The following DDC variants were observed in gnomAD, a reference collection of about 807,000 sequenced individuals.
DDC encodes aromatic-L-amino-acid decarboxylase.
In DDC, 43 loss-of-function variants were observed where a neutral mutation model predicts 60.0. The observed-to-expected ratio is 0.72, with a 90% CI of 0.56 to 0.92. DDC has a LOEUF of 0.92. Among genes scored for constraint, DDC ranks in the 40% least tolerant of loss-of-function variants. The pLI is 0.00. For synonymous variants in DDC, 232 were observed against 234.6 expected (o/e 0.99, Z 0.10); for missense variants, 573 against 620.2 (o/e 0.92, Z 0.81).
intron 6 of DDC, among the ~76,000 whole-genome samples, chr7:50,522,105 T>G (rs1023677009): frequency 3.3e-5 from 5 of 151,764 alleles, no homozygotes; most frequent in African/African-American, 1.2e-4. Flanking sequence ...ATGATAATAT[T>G]AGATAAAAGT....
intron 9 of DDC, among the ~76,000 whole-genome samples, chr7:50,489,205 C>G (rs1242005267): frequency 6.6e-6 from 1 of 152,120 alleles, no homozygotes; most frequent in East Asian, 1.9e-4. Context: ...TAAGGTCTCA[C>G]CATGTTGGCC....
chr7:50,510,767 G>C (rs1375332203), intron 6 of DDC, among the ~76,000 whole-genome samples: 1 of 151,438 alleles, frequency 6.6e-6, no homozygotes. Flanking sequence ...GGATCACGAG[G>C]TCAGGAGATC....
intron 6 of DDC, among the ~76,000 whole-genome samples, chr7:50,522,190 C>CA (rs1554428935): frequency 1.9e-5 from 2 of 103,818 alleles, no homozygotes; most frequent in African/African-American, 7.3e-5. Flanking sequence ...CCATTAGCAC[C>CA]AAAAAAAGTA....
Position 50,499,684 on chromosome 7 carries a change from A to G in DDC, c.782-442T>C, listed in dbSNP as rs112043572. On this transcript the variant is annotated intron_variant, in intron 7 of 14. Transcript: ENST00000444124. ...CTGCACACAGTCCACGCTGACCTCT[A>G]CCTGCCCCACTCCATCCCCACCACC... 7.2e-3 allele frequency among the ~76,000 whole-genome samples: 1,101 copies of G among 152,192 alleles called. 30 individuals are homozygous for G. Among genetic ancestry groups the G allele is most frequent in the Non-Finnish European group, 5.1e-3 (350 of 68,012 alleles).
intron 6 of DDC, among the ~76,000 whole-genome samples, chr7:50,525,789 G>C (rs1420997813): frequency 6.6e-6 from 1 of 151,646 alleles, no homozygotes; most frequent in Non-Finnish European, 1.5e-5. Flanking sequence ...AATAAAATAA[G>C]TTAAAATTTT....
At chr7:50,562,062 G>T (rs1484730442) in intron 1 of DDC, among the ~76,000 whole-genome samples, 1 of 152,188 alleles carries the variant, frequency 6.6e-6, no homozygotes, top group Non-Finnish European at 1.5e-5. Flanking sequence ...TCCAGAGCTA[G>T]AAATGCCCCA....
intron 11 of DDC, among the ~76,000 whole-genome samples, chr7:50,474,075 G>T (rs1218608852): frequency 6.6e-6 from 1 of 152,202 alleles, no homozygotes; most frequent in African/African-American, 2.4e-5. Context: ...GACCAACAGG[G>T]TGGGGAGTAC....
At chr7:50,483,084 T>C (rs2042805109) in intron 9 of DDC, among the ~76,000 whole-genome samples, 1 of 152,158 alleles carries the variant, frequency 6.6e-6, no homozygotes, top group Non-Finnish European at 1.5e-5. Context: ...CTCATTTTTT[T>C]CTGATTTTAA....
chr7:50,506,512 A>G (rs1470268545), intron 6 of DDC, among the ~76,000 whole-genome samples: 2 of 152,194 alleles, frequency 1.3e-5, no homozygotes, highest in East Asian at 3.9e-4. Context: ...AAGAAAAGAA[A>G]AGAAAGGTGA....
intron 11 of DDC, among the ~76,000 whole-genome samples, chr7:50,474,147 T>C (rs923585349): frequency 3.9e-5 from 6 of 152,248 alleles, no homozygotes; most frequent in Non-Finnish European, 8.8e-5. Flanking sequence ...ATGCTTGACC[T>C]TTCCTTAACC....
chr7:50,477,392 T>C (rs2042669503), intron 10 of DDC, among the ~76,000 whole-genome samples: 1 of 151,948 alleles, frequency 6.6e-6, no homozygotes, highest in Admixed American at 6.6e-5. Context: ...GAAAAGGGAG[T>C]CTTGTGCTCT....
intron 9 of DDC, 38 bp downstream of exon 9, chr7:50,495,312 C>G: frequency 6.6e-7 from 1 of 1,523,928 alleles, no homozygotes. Flanking sequence ...ACTGTCACCT[C>G]GGACAGGCAA....
chr7:50,549,031 G>A (rs2044896719), intron 1 of DDC, among the ~76,000 whole-genome samples: 1 of 152,168 alleles, frequency 6.6e-6, no homozygotes, highest in Non-Finnish European at 1.5e-5. Flanking sequence ...CAGCACATCT[G>A]TTTACAGTAT....
chr7:50,492,774 C>T (rs2043028149), intron 9 of DDC: 4 of 1,447,154 alleles, frequency 2.8e-6, no homozygotes, highest in African/African-American at 1.4e-5. Context: ...GTCAAATTTC[C>T]CCTCACAGGC....
At chr7:50,547,176 C>T (rs534357290) in intron 1 of DDC, among the ~76,000 whole-genome samples, 4 of 152,044 alleles carry the variant, frequency 2.6e-5, no homozygotes, top group Admixed American at 6.6e-5. Context: ...TTTCTAAGTA[C>T]ATTTCTCATG....
intron 6 of DDC, among the ~76,000 whole-genome samples, chr7:50,510,668 CAAA>C (rs71018473): frequency 9.0e-5 from 9 of 99,644 alleles, no homozygotes; most frequent in Middle Eastern, 7.4e-3. Flanking sequence ...GACTCCATCT[CAAA>C]AAAAAAAAAA....
intron 14 of DDC, among the ~76,000 whole-genome samples, chr7:50,462,535 G>A (rs1392507118): frequency 6.6e-6 from 1 of 152,176 alleles, no homozygotes; most frequent in African/African-American, 2.4e-5. Flanking sequence ...GGCAAGTCGT[G>A]AGTCATAATA....
intron 1 of DDC, among the ~76,000 whole-genome samples, chr7:50,560,241 T>C (rs1168188643): frequency 6.6e-6 from 1 of 152,164 alleles, no homozygotes; most frequent in Non-Finnish European, 1.5e-5. Context: ...CTTATCTGAA[T>C]GAGAAATTTT....
At chr7:50,555,801 C>T (rs953382428) in intron 1 of DDC, among the ~76,000 whole-genome samples, 1 of 152,114 alleles carries the variant, frequency 6.6e-6, no homozygotes, top group Admixed American at 6.5e-5. Flanking sequence ...ACAACTGAAC[C>T]AAGACTCCAC....
Sources: gnomAD v4.1 joint callset for allele counts (sites outside exome capture counted in the v4.1 genomes callset) on GRCh38, gnomAD v4.1.1 for gene constraint, MANE v1.5 for transcripts, NCBI Gene and HGNC (gene_info 2026-07-23, HGNC 2026-07-21) for gene names.